SUMF1: variants seen among roughly 807,000 people sequenced by gnomAD.
SUMF1 encodes formylglycine-generating enzyme.
SUMF1 carries 48 observed loss-of-function variants against 47.6 expected under a neutral mutation model. The observed-to-expected ratio is 1.01, with a 90% CI of 0.80 to 1.28. SUMF1 has a LOEUF of 1.28. SUMF1 is among the 50% of genes most tolerant of loss of function. The pLI is 0.00. For synonymous variants in SUMF1, 230 were observed against 192.1 expected (o/e 1.20, Z -1.63); for missense variants, 571 against 485.4 (o/e 1.18, Z -1.66).
At chr3:4,259,274 AAAT>A (rs1180452796) in intron 8 of SUMF1, among the ~76,000 whole-genome samples, 1 of 152,124 alleles carries the variant, frequency 6.6e-6, no homozygotes, top group Non-Finnish European at 1.5e-5. Flanking sequence ...AAAAATAAAT[AAAT>A]AAATAAATAA....
intron 8 of SUMF1, among the ~76,000 whole-genome samples, chr3:4,148,398 C>T (rs1302655830): frequency 6.6e-6 from 1 of 152,088 alleles, no homozygotes; most frequent in South Asian, 2.1e-4. Context: ...TAGTAATCTT[C>T]TGGGTCAAAG....
At chr3:4,316,672 C>T (rs955028637) in intron 8 of SUMF1, 23 of 1,550,954 alleles carry the variant, frequency 1.5e-5, no homozygotes, top group Non-Finnish European at 1.6e-5. Context: ...CGGATTGTGA[C>T]GTGTGATGAA....
At chr3:4,220,203 G>A (rs975553508) in intron 8 of SUMF1, among the ~76,000 whole-genome samples, 1 of 152,100 alleles carries the variant, frequency 6.6e-6, no homozygotes, top group Admixed American at 6.6e-5. Flanking sequence ...TATTTCATCA[G>A]GGCCACAGTT....
chr3:4,305,159 C>T (rs1310214693), intron 8 of SUMF1, among the ~76,000 whole-genome samples: 1 of 152,128 alleles, frequency 6.6e-6, no homozygotes, highest in Non-Finnish European at 1.5e-5. Flanking sequence ...GCGATCAGCT[C>T]ACTGCAACCT....
intron 8 of SUMF1, among the ~76,000 whole-genome samples, chr3:4,075,024 T>C (rs1087831): frequency 0.24 from 37,219 of 151,954 alleles, 5,127 homozygotes; most frequent in Middle Eastern, 0.31. Flanking sequence ...TACCAAAGCC[T>C]GGCAGAGACA....
At chr3:4,151,506 T>A (rs1408386893) in intron 8 of SUMF1, among the ~76,000 whole-genome samples, 1 of 145,282 alleles carries the variant, frequency 6.9e-6, no homozygotes, top group Non-Finnish European at 1.5e-5. Context: ...TATATATGTG[T>A]ATATGTATAC....
chr3:4,379,955 G>T (rs1029034623), intron 7 of SUMF1, among the ~76,000 whole-genome samples: 2 of 150,956 alleles, frequency 1.3e-5, no homozygotes, highest in Non-Finnish European at 2.9e-5. Context: ...ATTTGTGAAA[G>T]AAAACATTAA....
At chr3:4,140,575 T>G (rs1694048775) in intron 8 of SUMF1, among the ~76,000 whole-genome samples, 2 of 152,060 alleles carry the variant, frequency 1.3e-5, no homozygotes, top group Non-Finnish European at 2.9e-5. Flanking sequence ...TATCCTATAT[T>G]TTATAAATTA....
Position 4,087,854 on chromosome 3 carries a change from T to C in SUMF1, c.1015-19109A>G, listed in dbSNP as rs899615455. Among the ~76,000 whole-genome samples the C allele has an allele frequency of 1.5e-4, 23 of 152,144 alleles. 1 individual carries two copies. The highest frequency in any genetic ancestry group is 5.3e-4 in the African/African-American group (22 of 41,412). Reference sequence around the variant, plus strand: ...TCATGAGATTCTAAACTGCATTTTATACTTCAGTGATAATCTCAGATAAAT... The same window carrying C: ...TCATGAGATTCTAAACTGCATTTTACACTTCAGTGATAATCTCAGATAAAT... On this transcript the variant is annotated intron_variant and NMD_transcript_variant, in intron 8 of 12. Transcript: ENST00000448413.
chr3:4,217,858 G>T (rs1471302548), intron 8 of SUMF1, among the ~76,000 whole-genome samples: 1 of 131,654 alleles, frequency 7.6e-6, no homozygotes, highest in Non-Finnish European at 1.6e-5. Flanking sequence ...GAAACAATTT[G>T]CAGGAGAAAC....
Position 4,389,139 on chromosome 3 carries a change from T to C in SUMF1, c.955-12750A>G, listed in dbSNP as rs758383487. Among the ~76,000 whole-genome samples, 21 of 152,280 alleles carry C rather than the reference T, an allele frequency of 1.4e-4. 1 individual carries two copies. Among genetic ancestry groups the C allele is most frequent in the Non-Finnish European group, 1.8e-4 (12 of 68,000 alleles). On this transcript the variant is annotated intron_variant, in intron 7 of 8. Transcript: ENST00000272902. ...CATTCCTTTAGCCATCCTTTTAGGA[T>C]AGGCTGGCTAGCAACAAATTCTCTC... is the stretch of plus-strand genomic sequence containing the variant.
In SUMF1 at chr3:4,227,462, G is replaced by A. The variant is rs1023286930; in HGVS notation, c.1014+148868C>T. Among the ~76,000 whole-genome samples, 8 of 151,958 alleles carry A rather than the reference G, an allele frequency of 5.3e-5. No individual in the cohort carries two copies. The East Asian group carries it at 5.8e-4, about 11-fold the overall frequency. On this transcript the variant is annotated intron_variant and NMD_transcript_variant, in intron 8 of 12. Coordinates refer to the SUMF1 transcript ENST00000448413. ...AGGGAAACTGTAGTGGAGATCCATC[G>A]GCTTTCATCTATCCAGTAGCCATTC...
Position 4,285,743 on chromosome 3 carries a change from T to A in SUMF1, c.1014+90587A>T, listed in dbSNP as rs112010431. Among the ~76,000 whole-genome samples, 6 of 152,264 alleles carry A rather than the reference T, an allele frequency of 3.9e-5. 1 individual carries two copies. The highest frequency in any genetic ancestry group is 2.1e-4 in the South Asian group (1 of 4,828). The stretch of plus-strand genomic sequence containing the variant: ...TATTTGCTAAGTGATCAGTACTGTA[T>A]GAGGGATGAATGATACTTTCAATAA... On this transcript the variant is annotated intron_variant and NMD_transcript_variant, in intron 8 of 12. Coordinates refer to the SUMF1 transcript ENST00000448413.
At chr3:4,307,981 G>A (rs560898066) in intron 8 of SUMF1, among the ~76,000 whole-genome samples, 2 of 152,028 alleles carry the variant, frequency 1.3e-5, no homozygotes, top group South Asian at 4.2e-4. Flanking sequence ...AGCCTGCAGT[G>A]AGCTATGATC....
chr3:4,197,835 T>C (rs1424246311), intron 8 of SUMF1, among the ~76,000 whole-genome samples: 1 of 152,176 alleles, frequency 6.6e-6, no homozygotes, highest in South Asian at 2.1e-4. Flanking sequence ...AGTGCCATTC[T>C]GCCACTATCG....
At chr3:4,081,613 T>A (rs1692561475) in intron 8 of SUMF1, among the ~76,000 whole-genome samples, 1 of 152,148 alleles carries the variant, frequency 6.6e-6, no homozygotes, top group African/African-American at 2.4e-5. Context: ...TGCCACTTCC[T>A]AATTAATTTG....
chr3:4,288,801 C>T (rs1419617683), intron 8 of SUMF1, among the ~76,000 whole-genome samples: 1 of 102,054 alleles, frequency 9.8e-6, no homozygotes, highest in Non-Finnish European at 2.0e-5. Context: ...GAGACTCTGT[C>T]TAGAAAAAAA....
chr3:4,456,849 T>TGTATATACAC (rs2079645131), intron 1 of SUMF1, among the ~76,000 whole-genome samples: 1 of 135,708 alleles, frequency 7.4e-6, no homozygotes, highest in South Asian at 2.4e-4. Flanking sequence ...TATATACGTG[T>TGTATATACAC]GTGTATATAT....
At chr3:4,197,812 A>G (rs1198447252) in intron 8 of SUMF1, among the ~76,000 whole-genome samples, 4 of 152,160 alleles carry the variant, frequency 2.6e-5, no homozygotes, top group African/African-American at 9.6e-5. Flanking sequence ...GCCTTGTGCA[A>G]TATAATGAAG....
Sources: gnomAD v4.1 joint callset for allele counts (sites outside exome capture counted in the v4.1 genomes callset) on GRCh38, gnomAD v4.1.1 for gene constraint, MANE v1.5 for transcripts, NCBI Gene and HGNC (gene_info 2026-07-23, HGNC 2026-07-21) for gene names.